CPNE4: variants seen among roughly 807,000 people sequenced by gnomAD.
CPNE4 encodes copine-4.
A neutral mutation model predicts 67.9 loss-of-function variants in CPNE4; 25 were observed. The observed-to-expected ratio is 0.37, with a 90% CI of 0.27 to 0.51. CPNE4 has a LOEUF of 0.51. Among genes scored for constraint, CPNE4 ranks in the 20% least tolerant of loss-of-function variants. The probability of loss-of-function intolerance (pLI) is 0.93; values close to 1 mark genes in which losing one functional copy is unlikely to be tolerated. For missense variants in CPNE4, 464 were observed against 690.8 expected (o/e 0.67, Z 3.68); for synonymous variants, 242 against 244.9 (o/e 0.99, Z 0.11).
intron 7 of CPNE4, among the ~76,000 whole-genome samples, chr3:131,664,374 A>G (rs1361903778): frequency 6.6e-6 from 1 of 152,208 alleles, no homozygotes; most frequent in Non-Finnish European, 1.5e-5. Context: ...AAAATGATTA[A>G]TGCCATATTT....
chr3:131,556,025 C>T (rs1242015866), intron 11 of CPNE4, among the ~76,000 whole-genome samples: 1 of 151,968 alleles, frequency 6.6e-6, no homozygotes, highest in Admixed American at 6.6e-5. Flanking sequence ...CAAGATCATG[C>T]CACTAATTAG....
chr3:131,587,953 G>A (rs1938292913), intron 7 of CPNE4, among the ~76,000 whole-genome samples: 1 of 152,198 alleles, frequency 6.6e-6, no homozygotes, highest in South Asian at 2.1e-4. Context: ...ATAGCAGGTA[G>A]CCTCCCTGGT....
At chr3:131,762,851 G>C (rs2082922668) in intron 2 of CPNE4, among the ~76,000 whole-genome samples, 1 of 151,216 alleles carries the variant, frequency 6.6e-6, no homozygotes, top group Non-Finnish European at 1.5e-5. Context: ...ATGAGTGTCA[G>C]CAAAGGTTTA....
intron 2 of CPNE4, among the ~76,000 whole-genome samples, chr3:131,830,667 C>T (rs1004127212): frequency 2.6e-5 from 4 of 152,176 alleles, no homozygotes; most frequent in African/African-American, 9.6e-5. Flanking sequence ...TTTCTTATTT[C>T]GAATCAGCTA....
chr3:131,845,915 T>A (rs917719562), intron 2 of CPNE4, among the ~76,000 whole-genome samples: 1 of 152,188 alleles, frequency 6.6e-6, no homozygotes, highest in African/African-American at 2.4e-5. Flanking sequence ...AATTGAGGAT[T>A]GAGTTTCCAT....
chr3:131,635,847 C>CCCT, intron 7 of CPNE4, among the ~76,000 whole-genome samples: 1 of 83,690 alleles, frequency 1.2e-5, no homozygotes, highest in African/African-American at 1.7e-4. Context: ...TTTGGGAGGC[C>CCCT]GAGGCGGGCG....
intron 2 of CPNE4, among the ~76,000 whole-genome samples, chr3:131,831,922 G>A (rs1162881715): frequency 1.3e-5 from 2 of 152,116 alleles, no homozygotes; most frequent in African/African-American, 4.8e-5. Flanking sequence ...GCTGATATGA[G>A]ATATGACAGT....
chr3:131,945,019 T>C (rs2071508264), intron 1 of CPNE4, among the ~76,000 whole-genome samples: 1 of 152,170 alleles, frequency 6.6e-6, no homozygotes, highest in South Asian at 2.1e-4. Flanking sequence ...TGTGCCTGAA[T>C]ATAATATATG....
intron 5 of CPNE4, among the ~76,000 whole-genome samples, 182 bp downstream of exon 5, chr3:131,696,360 C>G (rs2081157709): frequency 6.6e-6 from 1 of 152,196 alleles, no homozygotes; most frequent in Non-Finnish European, 1.5e-5. Context: ...ATTACAGTCC[C>G]TTCCCTTTCT....
intron 2 of CPNE4, among the ~76,000 whole-genome samples, chr3:131,823,737 G>A (rs527937294): frequency 4.6e-5 from 7 of 152,234 alleles, no homozygotes; most frequent in Non-Finnish European, 1.0e-4. Flanking sequence ...TTAAAGATAA[G>A]CATACGCTAC....
At chr3:131,838,806 T>TATTC (rs2085658508) in intron 2 of CPNE4, among the ~76,000 whole-genome samples, 1 of 151,732 alleles carries the variant, frequency 6.6e-6, no homozygotes, top group Non-Finnish European at 1.5e-5. Context: ...ACTATATGTA[T>TATTC]ATTCGTATAC....
intron 1 of CPNE4, among the ~76,000 whole-genome samples, chr3:131,923,277 A>G (rs530377149): frequency 1.3e-5 from 2 of 152,206 alleles, no homozygotes; most frequent in African/African-American, 4.8e-5. Flanking sequence ...GTGTGTATGT[A>G]TGTATAAAAT....
chr3:131,868,254 C>T (rs2087042344), intron 2 of CPNE4, among the ~76,000 whole-genome samples: 1 of 152,216 alleles, frequency 6.6e-6, no homozygotes, highest in Non-Finnish European at 1.5e-5. Context: ...AGCCCCCTAC[C>T]ACAGTTAGGC....
chr3:131,823,135 G>A (rs114081047), intron 2 of CPNE4, among the ~76,000 whole-genome samples: 6,061 of 152,276 alleles, frequency 0.04, 173 homozygotes, highest in Non-Finnish European at 0.055. Context: ...CACTGCGCCC[G>A]GTCTGTACAC....
At chr3:131,966,193 T>C (rs893632482) in intron 1 of CPNE4, among the ~76,000 whole-genome samples, 3 of 152,188 alleles carry the variant, frequency 2.0e-5, no homozygotes, top group African/African-American at 7.2e-5. Flanking sequence ...AGATACAATG[T>C]ACCAGAATCT....
chr3:131,843,047 A>G (rs1035485518), intron 2 of CPNE4, among the ~76,000 whole-genome samples: 1 of 152,186 alleles, frequency 6.6e-6, no homozygotes, highest in Non-Finnish European at 1.5e-5. Flanking sequence ...GGCTGCCTTT[A>G]TGATTAAAGG....
At chr3:131,860,799 A>G (rs2086647587) in intron 2 of CPNE4, among the ~76,000 whole-genome samples, 1 of 152,246 alleles carries the variant, frequency 6.6e-6, no homozygotes. Flanking sequence ...TGACACAAGT[A>G]AACCACAGTT....
intron 1 of CPNE4, among the ~76,000 whole-genome samples, chr3:131,981,098 G>C (rs1028192225): frequency 1.3e-5 from 2 of 152,064 alleles, no homozygotes; most frequent in African/African-American, 4.8e-5. Flanking sequence ...TGGAGGTGGT[G>C]GGGGATGCAA....
intron 1 of CPNE4, among the ~76,000 whole-genome samples, chr3:132,009,760 T>G (rs1204383080): frequency 1.3e-5 from 2 of 152,238 alleles, no homozygotes; most frequent in African/African-American, 2.4e-5. Flanking sequence ...TCTCACTTAA[T>G]CAGGACTAAT....
Sources: gnomAD v4.1 joint callset for allele counts (sites outside exome capture counted in the v4.1 genomes callset) on GRCh38, gnomAD v4.1.1 for gene constraint, MANE v1.5 for transcripts, NCBI Gene and HGNC (gene_info 2026-07-23, HGNC 2026-07-21) for gene names.